Variants in C8orf34 observed in about 807,000 individuals in gnomAD.
The protein encoded by C8orf34 is uncharacterized protein C8orf34.
C8orf34 carries 65 observed loss-of-function variants against 68.3 expected under a neutral mutation model. The ratio of observed to expected loss-of-function variants is 0.95; its 90% CI spans 0.78 to 1.17. C8orf34 has a LOEUF of 1.17. Among genes scored for constraint, C8orf34 ranks in the 50% most tolerant of loss-of-function variants. C8orf34 has a pLI of 0.00. For synonymous variants in C8orf34, 244 were observed against 241.2 expected (o/e 1.01, Z -0.11); for missense variants, 664 against 655.4 (o/e 1.01, Z -0.14).
intron 1 of C8orf34, among the ~76,000 whole-genome samples, chr8:68,340,240 G>C (rs925174785): frequency 5.3e-5 from 8 of 152,008 alleles, no homozygotes; most frequent in Admixed American, 3.3e-4. Context: ...TTGAAAATAG[G>C]TGGATTGATA....
intron 1 of C8orf34, among the ~76,000 whole-genome samples, chr8:68,383,903 T>C (rs961939736): frequency 2.0e-5 from 3 of 152,166 alleles, no homozygotes; most frequent in Non-Finnish European, 4.4e-5. Context: ...AATGAGACAA[T>C]GTAATCTCCC....
intron 10 of C8orf34, among the ~76,000 whole-genome samples, chr8:68,755,973 A>C (rs1414097403): frequency 6.6e-6 from 1 of 151,828 alleles, no homozygotes; most frequent in African/African-American, 2.4e-5. Flanking sequence ...AGGCTGAGGC[A>C]GGAGAATGGC....
chr8:68,569,347 A>T lies in C8orf34; in HGVS notation c.1105+36198A>T, dbSNP rs973853150. ...TACATCTGGTGTTAGGCTCAAGTCC[A>T]CAGAGCAGGAAATGAAGAAGCAAAG... is the stretch of plus-strand genomic sequence containing the variant. On this transcript the variant is annotated intron_variant, in intron 7 of 13. Coordinates refer to ENST00000518698, the MANE Select transcript of C8orf34 (RefSeq NM_052958.4). Among the ~76,000 whole-genome samples the T allele has an allele frequency of 5.9e-5, 9 of 152,240 alleles. No individual in the cohort carries two copies. The East Asian group carries it at 1.7e-3, about 29-fold the overall frequency.
chr8:68,598,559 G>A (rs1331220095), intron 7 of C8orf34, among the ~76,000 whole-genome samples: 1 of 152,070 alleles, frequency 6.6e-6, no homozygotes, highest in Non-Finnish European at 1.5e-5. Context: ...GAAGAGACCA[G>A]AAACCAAATG....
intron 3 of C8orf34, among the ~76,000 whole-genome samples, chr8:68,463,993 A>C (rs1811983381): frequency 6.6e-6 from 1 of 152,200 alleles, no homozygotes; most frequent in Non-Finnish European, 1.5e-5. Flanking sequence ...GAAAAGAGGA[A>C]GTCAAATTGT....
At chr8:68,383,427 A>G (rs1020594499) in intron 1 of C8orf34, among the ~76,000 whole-genome samples, 1 of 152,092 alleles carries the variant, frequency 6.6e-6, no homozygotes, top group African/African-American at 2.4e-5. Context: ...TGTTCAGACA[A>G]TTTCCCCATC....
intron 10 of C8orf34, among the ~76,000 whole-genome samples, chr8:68,761,499 A>C (rs571608410): frequency 2.6e-5 from 4 of 152,228 alleles, no homozygotes; most frequent in African/African-American, 7.2e-5. Flanking sequence ...CAAACAAAAA[A>C]CCGTCTAATT....
chr8:68,580,098 G>A (rs1368484339), intron 7 of C8orf34, among the ~76,000 whole-genome samples: 1 of 152,058 alleles, frequency 6.6e-6, no homozygotes, highest in Non-Finnish European at 1.5e-5. Flanking sequence ...AACATAATGA[G>A]TAATAAAGTA....
At position 68,532,989 on chromosome 8, in the gene C8orf34, G is replaced by A; in HGVS notation, c.945G>A (p.Lys315=). The change falls in exon 7 of 14, where the codon AAG becomes AAA. Residue 315 remains lysine, a synonymous_variant. Coordinates refer to ENST00000518698, the MANE Select transcript of C8orf34 (RefSeq NM_052958.4). ...DSGSSPAGSL[K]MEPKNKGLKQ... The stretch of plus-strand genomic sequence containing the variant: ...CATTTAAATATTTCTTCAGCTTAAA[G>A]ATGGAGCCTAAGAACAAAGGATTAA... 2 of 1,581,232 alleles carry A rather than the reference G, an allele frequency of 1.3e-6. No individual in the cohort carries two copies. The highest frequency in any genetic ancestry group is 1.7e-6 in the Non-Finnish European group (2 of 1,162,682).
chr8:68,710,491 A>G (rs1426255314), intron 9 of C8orf34, among the ~76,000 whole-genome samples: 1 of 151,966 alleles, frequency 6.6e-6, no homozygotes, highest in Admixed American at 6.6e-5. Flanking sequence ...AGCTGGGTGA[A>G]TCCTGTGACT....
At chr8:68,357,983 A>G (rs1424742439) in intron 1 of C8orf34, among the ~76,000 whole-genome samples, 2 of 151,922 alleles carry the variant, frequency 1.3e-5, no homozygotes, top group East Asian at 1.9e-4. Flanking sequence ...TTTTTCCCAC[A>G]TTGTCTTCAC....
At chr8:68,702,360 T>C (rs896169475) in intron 8 of C8orf34, among the ~76,000 whole-genome samples, 1 of 152,168 alleles carries the variant, frequency 6.6e-6, no homozygotes, top group African/African-American at 2.4e-5. Context: ...GGCATATGAA[T>C]GAAAACTTTC....
At chr8:68,695,557 A>C (rs1820806523) in intron 8 of C8orf34, 1 of 152,186 alleles carries the variant, frequency 6.6e-6, no homozygotes, top group Non-Finnish European at 1.5e-5. Flanking sequence ...ACTCTGGGCT[A>C]CTGAAATACA....
chr8:68,592,596 CTTTT>C (rs869214252), intron 7 of C8orf34, among the ~76,000 whole-genome samples: 16 of 26,514 alleles, frequency 6.0e-4, no homozygotes, highest in Admixed American at 1.9e-3. Flanking sequence ...TTTATCTCTT[CTTTT>C]TTTTTTTTTT....
chr8:68,535,908 A>G lies in C8orf34; in HGVS notation c.1105+2759A>G, dbSNP rs547589655. The stretch of plus-strand genomic sequence containing the variant: ...GAAGATACTGAGTAAAGTATCTGCC[A>G]AGTCATCTCATGCTCAAATATAAGA... On this transcript the variant is annotated intron_variant, in intron 7 of 13. Coordinates refer to ENST00000518698, the MANE Select transcript of C8orf34 (RefSeq NM_052958.4). 50 of 966,600 alleles carry G rather than the reference A, an allele frequency of 5.2e-5. 3 individuals are homozygous for G. The South Asian group carries it at 1.9e-3, about 36-fold the overall frequency. 59.9% of individuals were successfully genotyped at this position (966,600 alleles called of 1,614,324 possible).
intron 7 of C8orf34, among the ~76,000 whole-genome samples, chr8:68,539,891 A>G (rs964427630): frequency 6.6e-6 from 1 of 152,106 alleles, no homozygotes; most frequent in African/African-American, 2.4e-5. Context: ...TACTAAATAC[A>G]TGTTAACGGA....
chr8:68,782,186 C>T (rs1322801634), intron 11 of C8orf34, among the ~76,000 whole-genome samples: 1 of 152,068 alleles, frequency 6.6e-6, no homozygotes, highest in Non-Finnish European at 1.5e-5. Flanking sequence ...CTTCTTTGAA[C>T]ATCAGAGACT....
chr8:68,605,757 G>A (rs1454095532), intron 7 of C8orf34, among the ~76,000 whole-genome samples: 1 of 152,070 alleles, frequency 6.6e-6, no homozygotes, highest in Non-Finnish European at 1.5e-5. Flanking sequence ...AGGATTGTTA[G>A]GACAGTGAAA....
At chr8:68,636,643 C>CT (rs1237180205) in intron 7 of C8orf34, among the ~76,000 whole-genome samples, 5 of 152,080 alleles carry the variant, frequency 3.3e-5, no homozygotes, top group East Asian at 3.9e-4. Context: ...TGGTCACTCT[C>CT]TTTTTTGCCA....
Sources: allele counts gnomAD v4.1 joint callset (sites outside exome capture counted in the v4.1 genomes callset), GRCh38; gene constraint gnomAD v4.1.1; transcripts MANE v1.5; gene names NCBI Gene and HGNC (gene_info 2026-07-23, HGNC 2026-07-21).